CHIC2: variants seen among roughly 807,000 people sequenced by gnomAD.
CHIC2 encodes the protein cysteine rich hydrophobic domain 2.
A neutral mutation model predicts 25.9 loss-of-function variants in CHIC2; 14 were observed. The ratio of observed to expected loss-of-function variants is 0.54; its 90% CI spans 0.36 to 0.85. CHIC2 has a LOEUF of 0.85. Among genes scored for constraint, CHIC2 ranks in the 40% least tolerant of loss-of-function variants. The pLI, the probability that CHIC2 is intolerant of heterozygous loss-of-function variation, is 0.01. For missense variants in CHIC2, 146 were observed against 202.0 expected, an observed-to-expected ratio of 0.72 and a Z score of 1.68; for synonymous variants, 70 against 72.0, an observed-to-expected ratio of 0.97 and a Z score of 0.14.
intron 1 of CHIC2, among the ~76,000 whole-genome samples, chr4:54,063,184 G>C (rs1717390638): frequency 6.6e-6 from 1 of 152,132 alleles, no homozygotes; most frequent in Admixed American, 6.5e-5. Context: ...GACTATTCCA[G>C]ACATTCTCAG....
chr4:54,073,055 G>A, the CHIC2 span, among the ~76,000 whole-genome samples: 5 of 151,634 alleles, frequency 3.3e-5, no homozygotes, highest in South Asian at 4.2e-4. Flanking sequence ...GTGACAGAGC[G>A]AGACTCCGTC....
intron 1 of CHIC2, among the ~76,000 whole-genome samples, chr4:54,058,285 C>A (rs1717232702): frequency 6.6e-6 from 1 of 152,038 alleles, no homozygotes; most frequent in African/African-American, 2.4e-5. Context: ...TCACACGTAA[C>A]CTCTAAGGTG....
chr4:54,084,214 A>G, the CHIC2 span, among the ~76,000 whole-genome samples: 3 of 152,168 alleles, frequency 2.0e-5, no homozygotes, highest in Admixed American at 2.0e-4. Context: ...CCTAGTACCT[A>G]ACATATGTAG....
At chr4:54,086,943 G>A in the CHIC2 span, 22 of 684,910 alleles carry the variant, frequency 3.2e-5, no homozygotes, top group Admixed American at 1.3e-4. Context: ...CCAGAAAGCC[G>A]GGTTCTCAAT....
chr4:54,078,361 G>T, the CHIC2 span, among the ~76,000 whole-genome samples: 1 of 152,090 alleles, frequency 6.6e-6, no homozygotes, highest in Non-Finnish European at 1.5e-5. Context: ...TTAGAGAACA[G>T]TTCCACAATC....
intron 3 of CHIC2, among the ~76,000 whole-genome samples, chr4:54,038,288 C>T (rs556532473): frequency 1.2e-3 from 179 of 152,166 alleles, no homozygotes; most frequent in African/African-American, 3.6e-4. Context: ...AAGGACATGA[C>T]GTTAATATGC....
intron 5 of CHIC2, 53 bp from the exon 6 acceptor site, chr4:54,010,198 A>T: frequency 7.6e-7 from 1 of 1,313,548 alleles, no homozygotes; most frequent in Non-Finnish European, 1.1e-6. Context: ...ATTTTTTCTT[A>T]AAACTTCAAT....
intron 1 of CHIC2, among the ~76,000 whole-genome samples, chr4:54,053,394 TAAAAATGC>T (rs932848949): frequency 1.3e-5 from 2 of 151,976 alleles, no homozygotes; most frequent in African/African-American, 4.8e-5. Flanking sequence ...CCATCACTAC[TAAAAATGC>T]AAAAATAGCT....
At chr4:54,088,238 C>A in the CHIC2 span, among the ~76,000 whole-genome samples, 1 of 151,934 alleles carries the variant, frequency 6.6e-6, no homozygotes, top group Non-Finnish European at 1.5e-5. Flanking sequence ...TCTGCAAATC[C>A]GTCTATGTTG....
the CHIC2 span, chr4:54,086,899 A>G: frequency 3.3e-6 from 2 of 609,116 alleles, no homozygotes; most frequent in East Asian, 6.2e-5. Flanking sequence ...AAGAAGAAAG[A>G]TTGTTGGTTG....
chr4:54,090,875 T>C, the CHIC2 span, among the ~76,000 whole-genome samples: 1 of 152,030 alleles, frequency 6.6e-6, no homozygotes. Flanking sequence ...ATAATCTCCA[T>C]GCCCCTCTGC....
intron 5 of CHIC2, among the ~76,000 whole-genome samples, chr4:54,010,472 TC>T (rs1373295764): frequency 6.6e-6 from 1 of 152,052 alleles, no homozygotes; most frequent in Non-Finnish European, 1.5e-5. Flanking sequence ...ACATGCACGC[TC>T]CCCTGCACTC....
At chr4:54,015,635 G>A (rs752296847) in intron 3 of CHIC2, among the ~76,000 whole-genome samples, 10 of 151,964 alleles carry the variant, frequency 6.6e-5, no homozygotes, top group South Asian at 4.2e-4. Context: ...GATTCTAATC[G>A]CACCATGAAA....
At chr4:54,029,849 A>G (rs1560386273) in intron 3 of CHIC2, among the ~76,000 whole-genome samples, 1 of 152,166 alleles carries the variant, frequency 6.6e-6, no homozygotes, top group African/African-American at 2.4e-5. Context: ...TCTGCTTATG[A>G]TTCCCCCAGG....
the CHIC2 span, among the ~76,000 whole-genome samples, chr4:54,087,991 A>T: frequency 6.6e-6 from 1 of 152,244 alleles, no homozygotes; most frequent in East Asian, 1.9e-4. Context: ...CAGGGTATGC[A>T]GTAATTAGAA....
chr4:54,035,296 A>G (rs1472092793), intron 3 of CHIC2, among the ~76,000 whole-genome samples: 1 of 152,178 alleles, frequency 6.6e-6, no homozygotes, highest in Non-Finnish European at 1.5e-5. Flanking sequence ...TTTCTAGAAG[A>G]GTTTGTGTAG....
Position 54,010,011 on chromosome 4 carries a change from G to T in CHIC2, c.*84C>A. The T allele has an allele frequency of 3.6e-6, 3 of 844,404 alleles. No homozygotes were observed. The highest frequency in any genetic ancestry group is 3.8e-6 in the Non-Finnish European group (2 of 524,228). 52.3% of individuals were successfully genotyped at this position (844,404 alleles called of 1,614,324 possible). On this transcript the variant is annotated 3_prime_UTR_variant, in exon 6 of 6. Coordinates refer to ENST00000263921, the MANE Select transcript of CHIC2 (RefSeq NM_012110.4). The stretch of plus-strand genomic sequence containing the variant: ...CACCACACGATTCTGTAGAACCAAT[G>T]TTATGTCACCACCAGGAGAGCACCA...
chr4:54,064,260 T>C lies in CHIC2; in HGVS notation c.41A>G (p.Glu14Gly), dbSNP rs778019004. ...CAGCTGCTCCTCCAGGGCCCGCTCC[T>C]CGTCCTCCTCTTCCTCATAGATTTC... ...FDEIYEEEED[E>G]ERALEEQLLK... Residue 14 changes from glutamate to glycine, a missense_variant, in exon 1 of 6, where the codon GAG (glutamate) becomes GGG (glycine). Physicochemically the swap from Glu to Gly is moderately conservative, Grantham distance 98. Coordinates refer to ENST00000263921, the MANE Select transcript of CHIC2 (RefSeq NM_012110.4). This position sits in a 1 kb window ranked among gnomAD's most constrained non-coding sequence, Gnocchi z 4.2. The C allele has an allele frequency of 1.9e-6, 3 of 1,612,102 alleles. No homozygotes were observed. Among genetic ancestry groups the C allele is most frequent in the Non-Finnish European group, 2.5e-6 (3 of 1,179,172 alleles).
intron 5 of CHIC2, among the ~76,000 whole-genome samples, chr4:54,011,784 T>A (rs1035504826): frequency 1.3e-5 from 2 of 151,920 alleles, no homozygotes; most frequent in African/African-American, 4.8e-5. Flanking sequence ...ATCATCCATC[T>A]CTACCATATC....
Sources: gnomAD v4.1 joint callset for allele counts (sites outside exome capture counted in the v4.1 genomes callset) on GRCh38, gnomAD v4.1.1 for gene constraint, Gnocchi (gnomAD v3.1) non-coding constraint, MANE v1.5 for transcripts, NCBI Gene and HGNC (gene_info 2026-07-23, HGNC 2026-07-21) for gene names.